The following TRAF3 variants were observed in gnomAD, a reference collection of about 807,000 sequenced individuals.
The protein encoded by TRAF3 is TNF receptor associated factor 3.
A neutral mutation model predicts 62.3 loss-of-function variants in TRAF3; 13 were observed. That is an observed-to-expected ratio of 0.21 (90% CI 0.14 to 0.33). TRAF3 has a LOEUF of 0.33. TRAF3 is among the 10% of genes least tolerant of loss of function. The pLI, the probability that TRAF3 is intolerant of heterozygous loss-of-function variation, is 1.00. For synonymous variants in TRAF3, 269 were observed against 283.4 expected (o/e 0.95, Z 0.51); for missense variants, 440 against 741.8 (o/e 0.59, Z 4.73).
chr14:102,792,577 CT>C lies in TRAF3; in HGVS notation c.-157+14913del, dbSNP rs879520508. Among the ~76,000 whole-genome samples, 126 of 141,542 alleles carry C rather than the reference CT, an allele frequency of 8.9e-4. 3 individuals carry two copies. The highest frequency in any genetic ancestry group is 7.1e-4 in the Non-Finnish European group (46 of 64,486). The allele number at this position is 141,542 out of a possible 152,430, so 92.9% of individuals were successfully genotyped here. ...GTGAACCACTGTGCCTGGCCACTGA[CT>C]TTTTTTTTTTAATGGAAGGTTGTTG... On this transcript the variant is annotated intron_variant, in intron 1 of 11. Coordinates refer to ENST00000392745, the MANE Select transcript of TRAF3 (RefSeq NM_145725.3).
At chr14:102,795,817 G>A (rs1375042309) in intron 1 of TRAF3, among the ~76,000 whole-genome samples, 1 of 152,168 alleles carries the variant, frequency 6.6e-6, no homozygotes, top group African/African-American at 2.4e-5. Flanking sequence ...GAGAGGCCAA[G>A]ATAAGTCCGA....
intron 1 of TRAF3, among the ~76,000 whole-genome samples, chr14:102,828,140 A>G (rs1418105435): frequency 1.3e-5 from 2 of 152,250 alleles, no homozygotes; most frequent in Non-Finnish European, 2.9e-5. Flanking sequence ...TAGGAAATCT[A>G]GAAGAAGCCT....
At chr14:102,778,617 AATTC>A (rs1379065600) in intron 1 of TRAF3, among the ~76,000 whole-genome samples, 2 of 152,016 alleles carry the variant, frequency 1.3e-5, no homozygotes, top group Non-Finnish European at 2.9e-5. Context: ...GTATGGATAT[AATTC>A]ATTCATTTTT....
At chr14:102,832,353 C>A (rs751711631) in intron 2 of TRAF3, among the ~76,000 whole-genome samples, 2 of 152,188 alleles carry the variant, frequency 1.3e-5, no homozygotes, top group Non-Finnish European at 2.9e-5. Context: ...AAGCCCTGGT[C>A]TGCAACCCAC....
Position 102,864,229 on chromosome 14 carries a change from A to T in TRAF3, c.-17-5956A>T, listed in dbSNP as rs562198060. On this transcript the variant is annotated intron_variant, in intron 2 of 11. Coordinates refer to ENST00000392745, the MANE Select transcript of TRAF3 (RefSeq NM_145725.3). ...AGTGGCGCCATCACGGCTCACTGCAAGCTCCGCCTCCCAGGTTCACGCCAT... is the reference window on the plus strand; with the variant it reads ...AGTGGCGCCATCACGGCTCACTGCATGCTCCGCCTCCCAGGTTCACGCCAT... Among the ~76,000 whole-genome samples the T allele has an allele frequency of 2.7e-5, 4 of 150,930 alleles. No individual in the cohort carries two copies. The South Asian group carries it at 8.4e-4, about 32-fold the overall frequency.
intron 1 of TRAF3, among the ~76,000 whole-genome samples, chr14:102,790,660 C>T (rs1168937434): frequency 2.0e-5 from 3 of 152,142 alleles, no homozygotes; most frequent in Non-Finnish European, 2.9e-5. Flanking sequence ...CAGTTACCTC[C>T]CCCTGGGTTC....
At position 102,903,176 on chromosome 14, in the gene TRAF3, G is replaced by C. The variant is rs1300689484; in HGVS notation, c.961-79G>C. 1.3e-6 allele frequency: 2 copies of C among 1,599,604 alleles called. No homozygotes were observed. Among genetic ancestry groups the C allele is most frequent in the Non-Finnish European group, 1.7e-6 (2 of 1,167,418 alleles). On this transcript the variant is annotated intron_variant, in intron 10 of 11. Coordinates refer to ENST00000392745, the MANE Select transcript of TRAF3 (RefSeq NM_145725.3). This position sits in a 1 kb window ranked among gnomAD's most constrained non-coding sequence, Gnocchi z 6.4. ...CCTCTGACTGTTCTGCTCCTAGCCT[G>C]TCTGTATTTGATGGAAGGTGGTGCA...
In TRAF3 at chr14:102,870,327, G is replaced by A. The variant is rs751980343; in HGVS notation, c.126G>A (p.Lys42=). ...FVPEQGGYKE[K]FVKTVEDKYK... is the part of the protein sequence containing the mutation. ...CTGAACAAGGAGGTTACAAGGAAAA[G>A]TTTGTGAAGACCGTGGAGGACAAGT... The change falls in exon 3 of 12, where the codon AAG becomes AAA. Residue 42 remains lysine (K), a synonymous_variant. Transcript: ENST00000392745. 6.2e-7 allele frequency: 1 copy of A among 1,614,212 alleles called. No homozygotes were observed. Among genetic ancestry groups the A allele is most frequent in the South Asian group, 1.1e-5 (1 of 91,084 alleles).
intron 2 of TRAF3, among the ~76,000 whole-genome samples, chr14:102,835,295 C>T (rs557330290): frequency 2.2e-4 from 33 of 147,742 alleles, no homozygotes; most frequent in Non-Finnish European, 3.6e-4. Flanking sequence ...TCCTAATACA[C>T]TGTTGGTGGA....
In TRAF3 at chr14:102,870,467, C is replaced by T. The variant is rs28670970; in HGVS notation, c.245+21C>T. ...CTGAGGTAGGCGCCCTCGCCCGGCC[C>T]GTCGCCCGGCCCCTTCTCAGCCCTC... On this transcript the variant is annotated intron_variant, in intron 3 of 11. Coordinates refer to ENST00000392745, the MANE Select transcript of TRAF3 (RefSeq NM_145725.3). The T allele has an allele frequency of 0.037, 60,267 of 1,610,892 alleles. 1,697 individuals are homozygous for T. Among genetic ancestry groups the T allele is most frequent in the African/African-American group, 0.14 (10,142 of 74,916 alleles).
intron 1 of TRAF3, among the ~76,000 whole-genome samples, chr14:102,811,484 T>A (rs1035925454): frequency 6.7e-6 from 1 of 149,588 alleles, no homozygotes; most frequent in Non-Finnish European, 1.5e-5. Context: ...CCGCCATGCC[T>A]GGCTCTTGAC....
At chr14:102,888,630 C>A (rs1031109022) in intron 7 of TRAF3, among the ~76,000 whole-genome samples, 2 of 152,148 alleles carry the variant, frequency 1.3e-5, no homozygotes, top group Non-Finnish European at 2.9e-5. Flanking sequence ...ACCCACACAC[C>A]CATCCTCCCA....
intron 2 of TRAF3, among the ~76,000 whole-genome samples, chr14:102,831,930 C>T (rs986891233): frequency 1.1e-4 from 16 of 152,094 alleles, no homozygotes; most frequent in African/African-American, 3.9e-4. Flanking sequence ...TAGCACAAGG[C>T]TTCTAATATA....
intron 10 of TRAF3, among the ~76,000 whole-genome samples, chr14:102,899,806 G>A (rs907249021): frequency 1.3e-5 from 2 of 152,186 alleles, no homozygotes; most frequent in African/African-American, 4.8e-5. Flanking sequence ...GAATTCAAGA[G>A]TGTCTTTGCT....
intron 1 of TRAF3, among the ~76,000 whole-genome samples, chr14:102,788,531 G>T (rs145823399): frequency 2.0e-5 from 3 of 152,046 alleles, no homozygotes; most frequent in Admixed American, 6.6e-5. Context: ...TGGGTGTGGT[G>T]TCTCACGCCT....
chr14:102,855,787 CTT>C (rs1279656848), intron 2 of TRAF3, among the ~76,000 whole-genome samples: 1 of 129,322 alleles, frequency 7.7e-6, no homozygotes, highest in African/African-American at 3.6e-5. Flanking sequence ...CAGAATGAGA[CTT>C]TATCTAAAAA....
At chr14:102,856,353 G>T (rs887274047) in intron 2 of TRAF3, among the ~76,000 whole-genome samples, 5 of 152,184 alleles carry the variant, frequency 3.3e-5, no homozygotes, top group African/African-American at 1.2e-4. Flanking sequence ...GCAGTATCTG[G>T]AACTGAGGGT....
At chr14:102,866,164 A>C (rs528287085) in intron 2 of TRAF3, among the ~76,000 whole-genome samples, 16 of 152,312 alleles carry the variant, frequency 1.1e-4, no homozygotes, top group African/African-American at 3.9e-4. Context: ...CATTCTCAGC[A>C]AACTAACAGA....
chr14:102,831,894 TA>T (rs1237236134), intron 2 of TRAF3, among the ~76,000 whole-genome samples: 3 of 152,202 alleles, frequency 2.0e-5, no homozygotes, highest in African/African-American at 4.8e-5. Context: ...TTTGCTTATC[TA>T]AAAGTTTTGT....
Sources: gnomAD v4.1 joint callset for allele counts (sites outside exome capture counted in the v4.1 genomes callset) on GRCh38, gnomAD v4.1.1 for gene constraint, Gnocchi (gnomAD v3.1) non-coding constraint, MANE v1.5 for transcripts, NCBI Gene and HGNC (gene_info 2026-07-23, HGNC 2026-07-21) for gene names.